The following TASOR2 variants were observed in gnomAD, a reference collection of about 807,000 sequenced individuals.
TASOR2 encodes the protein protein TASOR 2.
Under a neutral mutation model 199.5 loss-of-function variants are expected in TASOR2, and 84 were observed. That is an observed-to-expected ratio of 0.42 (90% CI 0.35 to 0.50). The LOEUF is 0.50. Among genes scored for constraint, TASOR2 ranks in the 20% least tolerant of loss-of-function variants. The pLI is 0.02. For missense variants in TASOR2, 2,796 were observed against 2,835.9 expected (o/e 0.99, Z 0.32); for synonymous variants, 1,103 against 1,046.6 (o/e 1.05, Z -1.04).
At chr10:5,759,115 G>A in intron 18 of TASOR2, 123 bp downstream of exon 19, 1 of 662,916 alleles carries the variant, frequency 1.5e-6, no homozygotes. Context: ...AGAGCATGAG[G>A]GCTGCTGGCT....
At chr10:5,735,567 A>G in intron 12 of TASOR2, 21 bp downstream of exon 13, 1 of 1,609,698 alleles carries the variant, frequency 6.2e-7, no homozygotes, top group Non-Finnish European at 8.5e-7. Flanking sequence ...CTCTTCCTAT[A>G]AATTTAAACA....
chr10:5,693,499 G>A (rs1431803863), intron 1 of TASOR2, among the ~76,000 whole-genome samples: 2 of 152,096 alleles, frequency 1.3e-5, no homozygotes, highest in Non-Finnish European at 2.9e-5. Context: ...GCTTTTAATA[G>A]GGTCACTTTG....
chr10:5,691,139 C>T (rs983092109), intron 1 of TASOR2, among the ~76,000 whole-genome samples: 11 of 149,074 alleles, frequency 7.4e-5, no homozygotes, highest in Non-Finnish European at 1.3e-4. Flanking sequence ...TGCAGCGAGC[C>T]GAGATCACGC....
chr10:5,702,858 T>C (rs1250889352), intron 1 of TASOR2, among the ~76,000 whole-genome samples: 2 of 152,112 alleles, frequency 1.3e-5, no homozygotes, highest in Non-Finnish European at 1.5e-5. Flanking sequence ...TTGAGACATA[T>C]TCTGGTAAAA....
chr10:5,749,595 C>T, exon 15 of TASOR2: 3 of 1,614,120 alleles, frequency 1.9e-6, no homozygotes, highest in Non-Finnish European at 2.5e-6. Context: ...GGAGAGGCTA[C>T]ACAGCCAGCA....
At position 5,687,337 on chromosome 10, in the gene TASOR2, T is replaced by A. The variant is rs1027637400; in HGVS notation, c.-288+2162T>A. 1.1e-4 allele frequency among the ~76,000 whole-genome samples: 17 copies of A among 152,246 alleles called. No homozygotes were observed. Among genetic ancestry groups the A allele is most frequent in the Non-Finnish European group, 2.4e-4 (16 of 68,048 alleles). On this transcript the variant is annotated intron_variant, in intron 1 of 20. Coordinates refer to ENST00000328090, the Ensembl canonical transcript of TASOR2. This position sits in a 1 kb window ranked among gnomAD's most constrained non-coding sequence, Gnocchi z 4.8. ...TGCCTTTTTAAACAGTTTTATCACC[T>A]ATATAGATATCCTTAACTAGCATTG... is the stretch of plus-strand genomic sequence containing the variant.
At chr10:5,763,233 T>A (rs1034235100) in exon 21 of TASOR2, 1 of 524,532 alleles carries the variant, frequency 1.9e-6, no homozygotes, top group East Asian at 3.2e-5. Flanking sequence ...TAGCTTTGGG[T>A]TGCAGTGCTA....
chr10:5,758,463 A>G (rs926275393), intron 17 of TASOR2, among the ~76,000 whole-genome samples: 6 of 152,144 alleles, frequency 3.9e-5, no homozygotes, highest in Non-Finnish European at 8.8e-5. Context: ...ACTTGAGCCC[A>G]GGAGGTTGAG....
intron 1 of TASOR2, among the ~76,000 whole-genome samples, chr10:5,697,160 G>A (rs896298853): frequency 2.6e-5 from 4 of 152,178 alleles, no homozygotes; most frequent in African/African-American, 9.7e-5. Flanking sequence ...AAACTTCATT[G>A]TACCGAATGT....
exon 15 of TASOR2, chr10:5,749,245 C>T: frequency 6.2e-7 from 1 of 1,614,232 alleles, no homozygotes; most frequent in Non-Finnish European, 8.5e-7. Context: ...GAGAACTTCA[C>T]ACGGCCTGAG....
chr10:5,694,531 A>T (rs183160048), intron 1 of TASOR2, among the ~76,000 whole-genome samples: 1 of 152,206 alleles, frequency 6.6e-6, no homozygotes, highest in African/African-American at 2.4e-5. Flanking sequence ...GAAGATGACC[A>T]TTGTTTAAAT....
At position 5,748,260 on chromosome 10, in the gene TASOR2, C is replaced by G; in HGVS notation, c.4839C>G (p.Ser1613Arg). Residue 1613 changes from serine to arginine, a missense_variant, in exon 15 of 21, where the codon AGC (serine) becomes AGG (arginine). By Grantham distance (110) the Ser-to-Arg change is moderately radical. Transcript: ENST00000328090. The surrounding 1 kb of genome is among the most constrained non-coding windows in gnomAD (Gnocchi z 5.1). The stretch of plus-strand genomic sequence containing the variant: ...TAAAACAGCAGACTAGCCCTAAAAG[C>G]AGTCAGAACCATCTCTTTCCCGGTG... The G allele has an allele frequency of 6.2e-7, 1 of 1,614,204 alleles. No individual in the cohort carries two copies. The highest frequency in any genetic ancestry group is 1.7e-5 in the Admixed American group (1 of 60,026).
At chr10:5,725,516 C>T (rs1833946616) in intron 8 of TASOR2, among the ~76,000 whole-genome samples, 1 of 151,854 alleles carries the variant, frequency 6.6e-6, no homozygotes, top group Non-Finnish European at 1.5e-5. Context: ...TCTGTAATCC[C>T]ATTACTTTGG....
chr10:5,723,601 A>G (rs1833660863), intron 6 of TASOR2, 76 bp from the exon 8 acceptor site: 1 of 883,624 alleles, frequency 1.1e-6, no homozygotes, highest in Non-Finnish European at 1.6e-6. Context: ...TTACATTTAT[A>G]TTAGAAAACC....
At chr10:5,745,824 C>G (rs960283756) in intron 14 of TASOR2, among the ~76,000 whole-genome samples, 1 of 152,002 alleles carries the variant, frequency 6.6e-6, no homozygotes, top group Admixed American at 6.6e-5. Context: ...AAATTGAATG[C>G]TTTTTCTCTA....
chr10:5,713,890 CTA>C, intron 2 of TASOR2: 1 of 281,222 alleles, frequency 3.6e-6, no homozygotes, highest in Non-Finnish European at 6.5e-6. Context: ...AGTGAGCAGA[CTA>C]TTTATTTTAA....
At chr10:5,721,035 C>T in intron 6 of TASOR2, 65 bp downstream of exon 7, 2 of 1,275,720 alleles carry the variant, frequency 1.6e-6, no homozygotes, top group Non-Finnish European at 2.2e-6. Flanking sequence ...TTTTTTTCCT[C>T]ACCTCATTTC....
chr10:5,762,253 TA>T (rs33954327), intron 19 of TASOR2, among the ~76,000 whole-genome samples: 40,465 of 139,732 alleles, frequency 0.29, 6,720 homozygotes, highest in East Asian at 0.66. Context: ...TATCTATCTT[TA>T]AAAAAAAAAA....
At chr10:5,726,747 C>G in intron 8 of TASOR2, 138 bp from the exon 10 acceptor site, 1 of 682,708 alleles carries the variant, frequency 1.5e-6, no homozygotes. Flanking sequence ...ATACTGGGGA[C>G]AGAATTACCC....
Sources: allele counts gnomAD v4.1 joint callset (sites outside exome capture counted in the v4.1 genomes callset), GRCh38; gene constraint gnomAD v4.1.1; non-coding constraint Gnocchi (gnomAD v3.1); transcripts MANE v1.5; gene names NCBI Gene and HGNC (gene_info 2026-07-23, HGNC 2026-07-21).